VTA1: variants seen among roughly 807,000 people sequenced by gnomAD.
VTA1 encodes the protein vesicle trafficking 1, also known as vacuolar protein sorting-associated protein VTA1 homolog.
A neutral mutation model predicts 36.9 loss-of-function variants in VTA1; 24 were observed. The observed-to-expected ratio is 0.65, with a 90% confidence interval of 0.47 to 0.91. The LOEUF is 0.91. VTA1 is among the 40% of genes least tolerant of loss of function. The pLI, the probability that VTA1 is intolerant of heterozygous loss-of-function variation, is 0.00. For synonymous variants in VTA1, 142 were observed against 130.2 expected, an observed-to-expected ratio of 1.09 and a Z score of -0.62; for missense variants, 393 against 377.2, an observed-to-expected ratio of 1.04 and a Z score of -0.35.
At chr6:142,165,267 A>G (rs1430697796) in intron 1 of VTA1, among the ~76,000 whole-genome samples, 1 of 152,150 alleles carries the variant, frequency 6.6e-6, no homozygotes, top group East Asian at 1.9e-4. Flanking sequence ...TTGCGGATAC[A>G]ATGGTGTATT....
At chr6:142,157,862 T>A (rs1778692509) in intron 1 of VTA1, among the ~76,000 whole-genome samples, 1 of 142,626 alleles carries the variant, frequency 7.0e-6, no homozygotes, top group Non-Finnish European at 1.5e-5. Context: ...ATGTTTTTAC[T>A]ATTTTGGGTT....
At position 142,196,417 on chromosome 6, in the gene VTA1, A is replaced by G. The variant is rs145846503; in HGVS notation, c.521-2022A>G. On this transcript the variant is annotated intron_variant, in intron 5 of 7. Transcript: ENST00000367630. ...AATCTAGATCTTTGTGTTTTAAAGT[A>G]CATTTCCTGCAAAAAGCATATAGGC... 1.5e-3 allele frequency among the ~76,000 whole-genome samples: 221 copies of G among 152,330 alleles called. 1 individual carries two copies. Among genetic ancestry groups the G allele is most frequent in the Admixed American group, 8.2e-3 (125 of 15,300 alleles).
At chr6:142,149,921 C>T (rs1395756805) in intron 1 of VTA1, among the ~76,000 whole-genome samples, 1 of 152,072 alleles carries the variant, frequency 6.6e-6, no homozygotes, top group Non-Finnish European at 1.5e-5. Flanking sequence ...TTGCACTTCT[C>T]CCATTTAACT....
intron 1 of VTA1, among the ~76,000 whole-genome samples, chr6:142,150,910 C>T (rs1479362454): frequency 6.8e-6 from 1 of 147,340 alleles, no homozygotes; most frequent in East Asian, 2.0e-4. Flanking sequence ...GAAACTCCAT[C>T]TCCAAAAAAA....
chr6:142,169,741 A>G (rs2114645318), intron 3 of VTA1, 64 bp downstream of exon 3: 2 of 1,382,208 alleles, frequency 1.4e-6, no homozygotes, highest in Non-Finnish European at 1.9e-6. Context: ...AAAATTAACT[A>G]GTTTTCTCTG....
chr6:142,147,287 G>T lies in VTA1; in HGVS notation c.-1G>T, dbSNP rs148815625. The T allele has an allele frequency of 1.9e-6, 3 of 1,614,168 alleles. No individual in the cohort carries two copies. The highest frequency in any genetic ancestry group is 2.2e-5 in the East Asian group (1 of 44,876). ...TAGGAAGTGGTGAGTTCGGAGTAGA[G>T]ATGGCCGCGCTTGCACCGCTGCCCC... On this transcript the variant is annotated 5_prime_UTR_variant, in exon 1 of 8. Coordinates refer to ENST00000367630, the MANE Select transcript of VTA1 (RefSeq NM_016485.5).
chr6:142,191,585 T>A (rs1375971489), intron 5 of VTA1, among the ~76,000 whole-genome samples: 2 of 152,120 alleles, frequency 1.3e-5, no homozygotes, highest in Non-Finnish European at 2.9e-5. Flanking sequence ...TTTATTTTCA[T>A]ACATATTTGC....
intron 7 of VTA1, among the ~76,000 whole-genome samples, chr6:142,209,384 CTA>C (rs918271809): frequency 1.0e-4 from 15 of 148,330 alleles, no homozygotes; most frequent in Non-Finnish European, 1.8e-4. Context: ...TGTATATACA[CTA>C]TGTGTATATA....
At chr6:142,182,623 C>T (rs1582889987) in intron 4 of VTA1, among the ~76,000 whole-genome samples, 1 of 152,214 alleles carries the variant, frequency 6.6e-6, no homozygotes, top group East Asian at 1.9e-4. Flanking sequence ...AAAAATGACT[C>T]CAAGGGTTGG....
At chr6:142,201,138 AT>A (rs1035224398) in intron 6 of VTA1, among the ~76,000 whole-genome samples, 2 of 151,860 alleles carry the variant, frequency 1.3e-5, no homozygotes, top group African/African-American at 4.8e-5. Context: ...TCCCTTTAAG[AT>A]TGGTTTGAGA....
chr6:142,165,949 G>A (rs73572399), intron 1 of VTA1, among the ~76,000 whole-genome samples: 1,683 of 149,878 alleles, frequency 0.011, 34 homozygotes, highest in African/African-American at 0.039. Context: ...AATTATAGGT[G>A]CCTTTGACAG....
chr6:142,148,843 T>C (rs993309994), intron 1 of VTA1, among the ~76,000 whole-genome samples: 1 of 152,092 alleles, frequency 6.6e-6, no homozygotes, highest in African/African-American at 2.4e-5. Context: ...GTATTCTCCA[T>C]AGAGGTTATA....
intron 5 of VTA1, among the ~76,000 whole-genome samples, chr6:142,194,164 T>C (rs954162914): frequency 6.6e-6 from 1 of 152,174 alleles, no homozygotes; most frequent in Non-Finnish European, 1.5e-5. Context: ...TGGACCTGTT[T>C]GGATTTTGGA....
chr6:142,181,737 G>A (rs916657914), intron 4 of VTA1, among the ~76,000 whole-genome samples: 1 of 151,766 alleles, frequency 6.6e-6, no homozygotes, highest in Non-Finnish European at 1.5e-5. Flanking sequence ...CCAATGTTAT[G>A]ATATTTTAAA....
Position 142,189,421 on chromosome 6 carries a change from T to C in VTA1, c.412-5T>C, listed in dbSNP as rs1253621514. 3.1e-6 allele frequency: 5 copies of C among 1,611,004 alleles called. No homozygotes were observed. Among genetic ancestry groups the C allele is most frequent in the East Asian group, 4.5e-5 (2 of 44,850 alleles). ...CAATGTTGATATAAAAATGCTCTCTTTTAGAATGTGAAACACAGGAAGTAT... is the reference window on the plus strand; with the variant it reads ...CAATGTTGATATAAAAATGCTCTCTCTTAGAATGTGAAACACAGGAAGTAT... On this transcript the variant is annotated splice_region_variant and splice_polypyrimidine_tract_variant and intron_variant, in intron 4 of 7. Coordinates refer to ENST00000367630, the MANE Select transcript of VTA1 (RefSeq NM_016485.5).
intron 4 of VTA1, among the ~76,000 whole-genome samples, chr6:142,181,094 A>AAAAAATATATATATATATATATAT (rs1471429927): frequency 3.3e-4 from 12 of 36,432 alleles, no homozygotes; most frequent in Non-Finnish European, 6.4e-4. Context: ...AAAAAAAAAA[A>AAAAAATATATATATATATATATAT]ATATATATAT....
rs867678124 is a variant in VTA1 at position 142,220,185 on chromosome 6, G to A, written c.*1542G>A. The A allele has an allele frequency of 2.0e-5, 3 of 152,288 alleles. No individual in the cohort carries two copies. The highest frequency in any genetic ancestry group is 1.9e-4 in the East Asian group (1 of 5,184). The allele number at this position is 152,288 out of a possible 1,614,324, so 9.4% of individuals were successfully genotyped here. A position where few individuals can be genotyped will look rare whatever the true frequency, so the allele number is the denominator to read the frequency against. On this transcript the variant is annotated 3_prime_UTR_variant, in exon 8 of 8. Transcript: ENST00000367630. ...AACATTTTCCTATCTTTTACAAGAG[G>A]TATGAACATTTGTAGGGTTCCACAT...
intron 5 of VTA1, among the ~76,000 whole-genome samples, chr6:142,190,644 T>G (rs1775438346): frequency 1.3e-5 from 2 of 152,236 alleles, no homozygotes; most frequent in Non-Finnish European, 2.9e-5. Flanking sequence ...CCACTGTTCT[T>G]GGAACTGAGA....
intron 6 of VTA1, among the ~76,000 whole-genome samples, chr6:142,200,666 GA>G (rs1389835241): frequency 6.6e-6 from 1 of 151,920 alleles, no homozygotes; most frequent in East Asian, 1.9e-4. Context: ...ATCCTGGCTA[GA>G]ATATTCATGA....
Sources: gnomAD v4.1 joint callset for allele counts (sites outside exome capture counted in the v4.1 genomes callset) on GRCh38, gnomAD v4.1.1 for gene constraint, MANE v1.5 for transcripts, NCBI Gene and HGNC (gene_info 2026-07-23, HGNC 2026-07-21) for gene names.